The following ARMC7 variants were observed in gnomAD, a reference collection of about 807,000 sequenced individuals.
ARMC7 encodes the protein armadillo repeat-containing protein 7.
Under a neutral mutation model 14.8 loss-of-function variants are expected in ARMC7, and 9 were observed. The ratio of observed to expected loss-of-function variants is 0.61; its 90% CI spans 0.37 to 1.06. The LOEUF (loss-of-function observed/expected upper bound fraction) is 1.06. Among genes scored for constraint, ARMC7 ranks in the 50% least tolerant of loss-of-function variants. The pLI, the probability that ARMC7 is intolerant of heterozygous loss-of-function variation, is 0.01. For synonymous variants in ARMC7, 125 were observed against 123.4 expected (o/e 1.01, Z -0.09); for missense variants, 262 against 267.1 (o/e 0.98, Z 0.13).
rs1281532945 is a variant in ARMC7 at position 75,130,036 on chromosome 17, T to C, written c.*998T>C. 1 of 158,960 alleles carries C rather than the reference T, an allele frequency of 6.3e-6. No homozygotes were observed. Among genetic ancestry groups the C allele is most frequent in the African/African-American group, 2.4e-5 (1 of 41,440 alleles). The allele number at this position is 158,960 out of a possible 1,614,324, so 9.8% of individuals were successfully genotyped here. On this transcript the variant is annotated 3_prime_UTR_variant, in exon 3 of 3. Transcript: ENST00000245543. ...CTCAGGGAAAATGGGGGTCCTTGCC[T>C]CTCGTGTACCCCCTCAAGGCTGACC...
chr17:75,114,588 A>C (rs2073959405), intron 2 of ARMC7: 1 of 395,024 alleles, frequency 2.5e-6, no homozygotes, highest in Non-Finnish European at 4.5e-6. Flanking sequence ...CCTGCGTCGC[A>C]AGCAGTTGTG....
chr17:75,124,040 T>C (rs543013252), intron 2 of ARMC7, among the ~76,000 whole-genome samples: 2 of 152,368 alleles, frequency 1.3e-5, no homozygotes, highest in Non-Finnish European at 2.9e-5. Flanking sequence ...TTCTCAGTTC[T>C]TCAGGGCAGG....
intron 2 of ARMC7, among the ~76,000 whole-genome samples, chr17:75,115,063 A>T (rs753097869): frequency 1.3e-5 from 2 of 152,076 alleles, no homozygotes; most frequent in African/African-American, 4.8e-5. Flanking sequence ...TTCTGTCTGC[A>T]TGGTTTGAGT....
chr17:75,124,501 G>C (rs2074036879), intron 2 of ARMC7, among the ~76,000 whole-genome samples: 1 of 152,248 alleles, frequency 6.6e-6, no homozygotes. Context: ...TTTACACAGA[G>C]AGAAATCCCA....
intron 2 of ARMC7, among the ~76,000 whole-genome samples, chr17:75,111,255 G>A (rs1438005026): frequency 6.6e-6 from 1 of 151,922 alleles, no homozygotes; most frequent in African/African-American, 2.4e-5. Context: ...GATCAGCCTG[G>A]CCAACATGGT....
At chr17:75,123,895 G>C (rs898924040) in intron 2 of ARMC7, among the ~76,000 whole-genome samples, 4 of 152,096 alleles carry the variant, frequency 2.6e-5, no homozygotes, top group African/African-American at 9.7e-5. Context: ...TGGGCGACAA[G>C]AGCGAGGCTC....
chr17:75,126,877 A>G (rs1392408909), intron 2 of ARMC7, among the ~76,000 whole-genome samples: 1 of 151,716 alleles, frequency 6.6e-6, no homozygotes, highest in Admixed American at 6.6e-5. Context: ...CCTGGCCAAC[A>G]TGGTGAAACC....
intron 2 of ARMC7, among the ~76,000 whole-genome samples, chr17:75,118,946 G>C (rs1384731272): frequency 6.6e-6 from 1 of 152,234 alleles, no homozygotes; most frequent in Non-Finnish European, 1.5e-5. Context: ...CTTCGCCCCT[G>C]TCATCCAGGA....
intron 2 of ARMC7, among the ~76,000 whole-genome samples, chr17:75,113,360 TA>T (rs1184979013): frequency 6.8e-6 from 1 of 147,732 alleles, no homozygotes. Flanking sequence ...TTTATTTATT[TA>T]TTTTTTTTTT....
At chr17:75,124,687 C>T (rs1190275373) in intron 2 of ARMC7, among the ~76,000 whole-genome samples, 3 of 151,654 alleles carry the variant, frequency 2.0e-5, no homozygotes, top group African/African-American at 7.2e-5. Context: ...TTCCAGAGGG[C>T]CCCGCCATTT....
chr17:75,113,396 C>G (rs1460024111), intron 2 of ARMC7, among the ~76,000 whole-genome samples: 1 of 151,204 alleles, frequency 6.6e-6, no homozygotes, highest in Non-Finnish European at 1.5e-5. Flanking sequence ...GCTCTGTCGC[C>G]CAGGCTGGAG....
At chr17:75,119,927 T>TG (rs2074001704) in intron 2 of ARMC7, among the ~76,000 whole-genome samples, 1 of 150,702 alleles carries the variant, frequency 6.6e-6, no homozygotes, top group South Asian at 2.1e-4. Flanking sequence ...GTTTTTGAGA[T>TG]GGAGTCTCGC....
chr17:75,117,644 A>G (rs2073982673), intron 2 of ARMC7, among the ~76,000 whole-genome samples: 1 of 152,144 alleles, frequency 6.6e-6, no homozygotes, highest in Non-Finnish European at 1.5e-5. Context: ...TTGTCTACAA[A>G]TTTGGCATCA....
rs375008662 is a variant in ARMC7, at chr17:75,128,964, G to A, written c.523G>A (p.Glu175Lys). The change falls in exon 3 of 3, where the codon GAG (glutamate) becomes AAG (lysine). Residue 175 changes from glutamate (E) to lysine (K), a missense_variant. Glu to Lys is a moderately conservative substitution (Grantham distance 56). Transcript: ENST00000245543. ...CTTCTGCTCCCCCCGCCAGGTGGCC[G>A]AGGCCCGCAGCCGGCAGGCGCACTC... ...EDFCSPRQVA[E>K]ARSRQAHSAL... The A allele has an allele frequency of 1.4e-5, 22 of 1,603,942 alleles. No individual in the cohort carries two copies. Among genetic ancestry groups the A allele is most frequent in the Admixed American group, 3.3e-5 (2 of 59,908 alleles).
chr17:75,128,867 G>A lies in ARMC7; in HGVS notation c.426G>A (p.Val142=), dbSNP rs755552156. Residue 142 remains valine, a synonymous_variant, in exon 3 of 3, where the codon GTG becomes GTA. Transcript: ENST00000245543. The part of the protein sequence containing the change: ...FLPELTATPV[V]QCMLRFSLSA... ...CAGAGCTGACCGCCACGCCCGTGGT[G>A]CAGTGCATGCTTCGCTTCTCCCTCT... 5.6e-6 allele frequency: 9 copies of A among 1,612,506 alleles called. No homozygotes were observed. The highest frequency in any genetic ancestry group is 2.2e-5 in the South Asian group (2 of 91,062).
intron 2 of ARMC7, among the ~76,000 whole-genome samples, chr17:75,122,767 T>C (rs868039990): frequency 2.6e-5 from 4 of 151,870 alleles, no homozygotes; most frequent in Non-Finnish European, 4.4e-5. Flanking sequence ...CAAGGCAGAG[T>C]CCCCATTCTC....
rs549331545 is a variant in ARMC7, at chr17:75,117,180, A to G, written c.235+6574A>G. Among the ~76,000 whole-genome samples, 14 of 152,200 alleles carry G rather than the reference A, an allele frequency of 9.2e-5. No homozygotes were observed. The East Asian group carries it at 2.5e-3, about 27-fold the overall frequency. ...CAACCTCCGCCTACCTGGTTCAAGC[A>G]ATTCTCCTGCCTCAGCCTCCTGAGT... On this transcript the variant is annotated intron_variant, in intron 2 of 2. Transcript: ENST00000245543.
At chr17:75,128,179 A>G (rs1212174494) in intron 2 of ARMC7, among the ~76,000 whole-genome samples, 4 of 151,892 alleles carry the variant, frequency 2.6e-5, no homozygotes, top group South Asian at 2.1e-4. Context: ...GGTTCAAGCA[A>G]TTCTCCTGCC....
intron 2 of ARMC7, among the ~76,000 whole-genome samples, chr17:75,119,190 G>C (rs1227960428): frequency 2.0e-5 from 3 of 147,052 alleles, no homozygotes; most frequent in African/African-American, 8.2e-5. Context: ...ACTATTCACA[G>C]GGGATTATTT....
Sources: gnomAD v4.1 joint callset for allele counts (sites outside exome capture counted in the v4.1 genomes callset) on GRCh38, gnomAD v4.1.1 for gene constraint, MANE v1.5 for transcripts, NCBI Gene and HGNC (gene_info 2026-07-23, HGNC 2026-07-21) for gene names.